Variants in MYO1E observed in about 807,000 individuals in gnomAD.
MYO1E encodes unconventional myosin-Ie.
A neutral mutation model predicts 151.1 loss-of-function variants in MYO1E; 68 were observed. That is an observed-to-expected ratio of 0.45 (90% CI 0.37 to 0.55). The LOEUF is 0.55. MYO1E is among the 20% of genes least tolerant of loss of function. The probability of loss-of-function intolerance (pLI) is 0.00; values close to 1 mark genes in which losing one functional copy is unlikely to be tolerated. For missense variants in MYO1E, 1,363 were observed against 1,389.3 expected, an observed-to-expected ratio of 0.98 and a Z score of 0.30; for synonymous variants, 601 against 501.7, an observed-to-expected ratio of 1.20 and a Z score of -2.64.
At chr15:59,176,590 T>C (rs1332825907) in intron 19 of MYO1E, among the ~76,000 whole-genome samples, 1 of 151,786 alleles carries the variant, frequency 6.6e-6, no homozygotes, top group Non-Finnish European at 1.5e-5. Flanking sequence ...GCCTCCTGAG[T>C]AGCTAGGACA....
intron 25 of MYO1E, among the ~76,000 whole-genome samples, chr15:59,154,929 T>A (rs2079501493): frequency 6.6e-6 from 1 of 152,224 alleles, no homozygotes; most frequent in Non-Finnish European, 1.5e-5. Context: ...CAGCCATGTC[T>A]CTAGCAATTT....
chr15:59,169,888 G>C (rs1339030497), intron 22 of MYO1E, among the ~76,000 whole-genome samples: 1 of 152,184 alleles, frequency 6.6e-6, no homozygotes, highest in Non-Finnish European at 1.5e-5. Context: ...GGCCAGGCAC[G>C]GTGGCTCACG....
At position 59,175,946 on chromosome 15, in the gene MYO1E, A is replaced by AC. The variant is rs1385222180; in HGVS notation, c.2050-1707_2050-1706insG. The stretch of plus-strand genomic sequence containing the variant: ...GAGAATAAAAACCAAACCAAACCAA[A>AC]AAACAACAACAGGAAAACACACAAA... On this transcript the variant is annotated intron_variant, in intron 19 of 27. Transcript: ENST00000288235. Among the ~76,000 whole-genome samples the AC allele has an allele frequency of 3.5e-4, 53 of 149,620 alleles. No homozygotes were observed. The East Asian group carries it at 4.0e-3, about 11-fold the overall frequency.
At chr15:59,146,580 G>T (rs2079442918) in intron 26 of MYO1E, among the ~76,000 whole-genome samples, 2 of 152,112 alleles carry the variant, frequency 1.3e-5, no homozygotes, top group African/African-American at 4.8e-5. Context: ...CTCCAGAACT[G>T]CTGGGATTAA....
intron 2 of MYO1E, among the ~76,000 whole-genome samples, chr15:59,266,185 G>C (rs896013000): frequency 7.9e-5 from 12 of 152,076 alleles, no homozygotes; most frequent in Admixed American, 3.3e-4. Context: ...GCTGCTTTGG[G>C]AACTCCAGGT....
At chr15:59,258,065 G>C (rs1327727378) in intron 3 of MYO1E, among the ~76,000 whole-genome samples, 1 of 152,162 alleles carries the variant, frequency 6.6e-6, no homozygotes, top group Non-Finnish European at 1.5e-5. Context: ...AAATGGAAGT[G>C]AGGGCTGGCC....
chr15:59,231,557 G>A, intron 6 of MYO1E, 145 bp downstream of exon 6: 2 of 879,790 alleles, frequency 2.3e-6, no homozygotes, highest in Admixed American at 4.1e-5. Context: ...GCGGCATGCT[G>A]CTATAGAAAA....
intron 1 of MYO1E, among the ~76,000 whole-genome samples, chr15:59,291,074 C>G (rs1324245315): frequency 6.6e-6 from 1 of 152,170 alleles, no homozygotes; most frequent in African/African-American, 2.4e-5. Context: ...TCAAACAGAG[C>G]GTTGTGCTCA....
chr15:59,253,351 G>T (rs1316280436), intron 4 of MYO1E, among the ~76,000 whole-genome samples: 1 of 152,158 alleles, frequency 6.6e-6, no homozygotes, highest in East Asian at 1.9e-4. Context: ...TTAAACAATG[G>T]CTCTGAAATG....
chr15:59,356,767 C>T (rs2080855312), intron 1 of MYO1E, among the ~76,000 whole-genome samples: 1 of 152,044 alleles, frequency 6.6e-6, no homozygotes, highest in Admixed American at 6.6e-5. Context: ...CAGGTCTTTG[C>T]CATGTTGCCC....
intron 1 of MYO1E, among the ~76,000 whole-genome samples, chr15:59,280,541 A>G (rs140022650): frequency 0.027 from 4,095 of 151,852 alleles, 73 homozygotes; most frequent in Non-Finnish European, 0.034. Context: ...AGAATTGCTT[A>G]AACCTGGGAG....
intron 1 of MYO1E, among the ~76,000 whole-genome samples, chr15:59,344,955 T>C (rs2080785836): frequency 6.6e-6 from 1 of 152,232 alleles, no homozygotes; most frequent in African/African-American, 2.4e-5. Flanking sequence ...TGTTTGCATA[T>C]TGATAGGATA....
chr15:59,263,039 C>CAACA (rs149280243), intron 2 of MYO1E, among the ~76,000 whole-genome samples: 6,898 of 151,986 alleles, frequency 0.045, 514 homozygotes, highest in African/African-American at 0.16. Flanking sequence ...AAAATCTAAA[C>CAACA]AACACACAGA....
At chr15:59,263,558 T>A (rs758792146) in intron 2 of MYO1E, among the ~76,000 whole-genome samples, 1 of 152,344 alleles carries the variant, frequency 6.6e-6, no homozygotes, top group East Asian at 1.9e-4. Context: ...ATAATTTTTT[T>A]AAAGATAATA....
chr15:59,340,429 T>C (rs1395237335), intron 1 of MYO1E, among the ~76,000 whole-genome samples: 1 of 152,198 alleles, frequency 6.6e-6, no homozygotes, highest in East Asian at 1.9e-4. Context: ...TTTGTTTTAC[T>C]TTCTCTAGAC....
intron 1 of MYO1E, among the ~76,000 whole-genome samples, chr15:59,358,484 G>T (rs937960032): frequency 6.6e-6 from 1 of 152,132 alleles, no homozygotes; most frequent in South Asian, 2.1e-4. Flanking sequence ...GTGTGAGGGT[G>T]TGTGAGAGAA....
intron 1 of MYO1E, among the ~76,000 whole-genome samples, chr15:59,338,284 CTTTTT>C: frequency 7.8e-6 from 1 of 128,654 alleles, no homozygotes; most frequent in East Asian, 2.3e-4. Context: ...TCAGTATTGA[CTTTTT>C]TTTTTTTTTT....
chr15:59,179,438 T>A (rs2079645510), intron 18 of MYO1E, among the ~76,000 whole-genome samples: 1 of 152,180 alleles, frequency 6.6e-6, no homozygotes, highest in Non-Finnish European at 1.5e-5. Context: ...CTGCTGTACA[T>A]CCAGAGCCTT....
intron 5 of MYO1E, among the ~76,000 whole-genome samples, chr15:59,233,378 C>A (rs2080040046): frequency 6.6e-6 from 1 of 151,924 alleles, no homozygotes. Context: ...AAAAGAGTAG[C>A]CCATCGGCCG....
Sources: allele counts gnomAD v4.1 joint callset (sites outside exome capture counted in the v4.1 genomes callset), GRCh38; gene constraint gnomAD v4.1.1; transcripts MANE v1.5; gene names NCBI Gene and HGNC (gene_info 2026-07-23, HGNC 2026-07-21).